The following CFAP300 variants were observed in gnomAD, a reference collection of about 807,000 sequenced individuals.
CFAP300 encodes cilia and flagella associated protein 300.
CFAP300 carries 32 observed loss-of-function variants against 33.0 expected under a neutral mutation model. The ratio of observed to expected loss-of-function variants is 0.97; its 90% CI spans 0.73 to 1.30. CFAP300 has a LOEUF of 1.30. Ranked by LOEUF, CFAP300 falls within the 50% of genes most tolerant of loss-of-function variation. The pLI, the probability that CFAP300 is intolerant of heterozygous loss-of-function variation, is 0.00. For synonymous variants in CFAP300, 102 were observed against 106.8 expected (o/e 0.95, Z 0.28); for missense variants, 356 against 318.1 (o/e 1.12, Z -0.90).
At chr11:102,048,254 CAG>C (rs1260823623) in intron 2 of CFAP300, among the ~76,000 whole-genome samples, 1 of 152,072 alleles carries the variant, frequency 6.6e-6, no homozygotes, top group Non-Finnish European at 1.5e-5. Flanking sequence ...TTTTTTGAAA[CAG>C]GGTCTTTCTC....
intron 5 of CFAP300, among the ~76,000 whole-genome samples, chr11:102,080,843 T>C (rs1295845343): frequency 1.3e-5 from 2 of 152,254 alleles, no homozygotes; most frequent in African/African-American, 4.8e-5. Flanking sequence ...GTATTTACAT[T>C]GTTTAAGTCT....
rs780254838 is a variant in CFAP300, at chr11:102,081,216, G to T, written c.610G>T (p.Val204Phe). ...TKLIYKDLVS[V>F]RKNPQTKKIQ... Reference sequence around the variant, plus strand: ...AGCACCTTTTCTTCCTTTTTTTAGTGTTCGAAAGAATCCTCAAACCAAGAA... The same window carrying T: ...AGCACCTTTTCTTCCTTTTTTTAGTTTTCGAAAGAATCCTCAAACCAAGAA... Residue 204 changes from valine to phenylalanine, a missense_variant and splice_region_variant, in exon 6 of 7, where the codon GTT (valine) becomes TTT (phenylalanine). Transcript: ENST00000434758. 45 of 1,603,652 alleles carry T rather than the reference G, an allele frequency of 2.8e-5. No homozygotes were observed. The highest frequency in any genetic ancestry group is 3.6e-5 in the Non-Finnish European group (42 of 1,177,004).
At position 102,081,337 on chromosome 11, in the gene CFAP300, G is replaced by A. The variant is rs555018173; in HGVS notation, c.675+56G>A. ...AATTTAATTACTTTTTATTAATAGA[G>A]TTGTTACAACTGGAGTTAACAATCA... On this transcript the variant is annotated intron_variant, in intron 6 of 6. Transcript: ENST00000434758. 194 of 1,417,988 alleles carry A rather than the reference G, an allele frequency of 1.4e-4. 2 individuals carry two copies. In the Middle Eastern group the frequency reaches 4.4e-3, roughly 32 times the overall value. 87.8% of individuals were successfully genotyped at this position (1,417,988 alleles called of 1,614,324 possible).
In CFAP300 at chr11:102,079,968, A is replaced by G. The variant is rs149536668; in HGVS notation, c.609-1247A>G. ...TACCTCAATGAGTTGTGTGATCTTTAAATGAGGTCATGTATATAAGGGTAT... is the reference window on the plus strand; with the variant it reads ...TACCTCAATGAGTTGTGTGATCTTTGAATGAGGTCATGTATATAAGGGTAT... On this transcript the variant is annotated intron_variant, in intron 5 of 6. Transcript: ENST00000434758. 2.4e-3 allele frequency among the ~76,000 whole-genome samples: 366 copies of G among 152,284 alleles called. 2 individuals are homozygous for G. Among genetic ancestry groups the G allele is most frequent in the African/African-American group, 8.2e-3 (341 of 41,560 alleles).
At chr11:102,051,569 A>C (rs1192362496) in intron 2 of CFAP300, among the ~76,000 whole-genome samples, 1 of 152,248 alleles carries the variant, frequency 6.6e-6, no homozygotes, top group Non-Finnish European at 1.5e-5. Context: ...TCAGTCTGCC[A>C]GATAGATAAT....
intron 5 of CFAP300, among the ~76,000 whole-genome samples, chr11:102,080,999 ACTGTAAGATT>A (rs1275370105): frequency 1.3e-5 from 2 of 152,182 alleles, no homozygotes; most frequent in African/African-American, 2.4e-5. Flanking sequence ...AAACCTTCTA[ACTGTAAGATT>A]CAATTTTCTG....
chr11:102,079,841 C>T (rs1405748959), intron 5 of CFAP300, among the ~76,000 whole-genome samples: 1 of 152,130 alleles, frequency 6.6e-6, no homozygotes, highest in Non-Finnish European at 1.5e-5. Context: ...CTCTGAGTCA[C>T]CTGTATTCTA....
intron 5 of CFAP300, among the ~76,000 whole-genome samples, chr11:102,078,901 G>A (rs1042335858): frequency 4.6e-5 from 7 of 152,010 alleles, no homozygotes; most frequent in Non-Finnish European, 8.8e-5. Context: ...GTAGAGGCGG[G>A]GTTTCACCAT....
chr11:102,083,264 T>C lies in CFAP300; in HGVS notation c.*65T>C. ...TCATTTTTCTATCTTAATACTAACTTATAGATAAACATATACTTTGCAAAT... is the reference window on the plus strand; with the variant it reads ...TCATTTTTCTATCTTAATACTAACTCATAGATAAACATATACTTTGCAAAT... On this transcript the variant is annotated 3_prime_UTR_variant, in exon 7 of 7. Coordinates refer to ENST00000434758, the MANE Select transcript of CFAP300 (RefSeq NM_032930.3). The C allele has an allele frequency of 8.2e-7, 1 of 1,216,848 alleles. No individual in the cohort carries two copies. Among genetic ancestry groups the C allele is most frequent in the East Asian group, 3.0e-5 (1 of 33,816 alleles). 75.4% of individuals were successfully genotyped at this position (1,216,848 alleles called of 1,614,324 possible).
chr11:102,084,034 A>C lies in CFAP300; in HGVS notation c.*835A>C, dbSNP rs199518268. On this transcript the variant is annotated 3_prime_UTR_variant, in exon 7 of 7. Coordinates refer to ENST00000434758, the MANE Select transcript of CFAP300 (RefSeq NM_032930.3). ...CGTCTCAGAAAAAAAAAAGGTTCTGAAAGTGGTTGTAAACTCTTGTATCAC... is the reference window on the plus strand; with the variant it reads ...CGTCTCAGAAAAAAAAAAGGTTCTGCAAGTGGTTGTAAACTCTTGTATCAC... The C allele has an allele frequency of 1.3e-5, 2 of 152,220 alleles. No homozygotes were observed. The highest frequency in any genetic ancestry group is 3.9e-4 in the East Asian group (2 of 5,194). 9.4% of individuals were successfully genotyped at this position (152,220 alleles called of 1,614,324 possible).
intron 5 of CFAP300, among the ~76,000 whole-genome samples, chr11:102,076,728 C>G (rs1216275853): frequency 2.0e-5 from 3 of 152,116 alleles, no homozygotes; most frequent in Non-Finnish European, 4.4e-5. Context: ...CAAGAATTAG[C>G]TTCTCATTGG....
At chr11:102,074,273 G>T (rs1942363810) in intron 4 of CFAP300, among the ~76,000 whole-genome samples, 1 of 152,132 alleles carries the variant, frequency 6.6e-6, no homozygotes, top group Non-Finnish European at 1.5e-5. Flanking sequence ...CCATTGTGTG[G>T]TCTCCAGGCA....
At chr11:102,076,170 T>G in intron 5 of CFAP300, 125 bp downstream of exon 5, 25 of 1,042,390 alleles carry the variant, frequency 2.4e-5, no homozygotes, top group Non-Finnish European at 3.1e-5. Context: ...TAAAAAGCTC[T>G]ACCCTTACCC....
At chr11:102,061,088 C>T (rs1942144200) in intron 3 of CFAP300, among the ~76,000 whole-genome samples, 2 of 152,074 alleles carry the variant, frequency 1.3e-5, no homozygotes, top group African/African-American at 4.8e-5. Flanking sequence ...CACAAAATAG[C>T]ATTAACTTTA....
chr11:102,051,559 T>C (rs1295578835), intron 2 of CFAP300, among the ~76,000 whole-genome samples: 1 of 152,160 alleles, frequency 6.6e-6, no homozygotes, highest in African/African-American at 2.4e-5. Context: ...CTAGAAACCA[T>C]CAGTCTGCCA....
chr11:102,047,991 C>A, intron 2 of CFAP300, 95 bp downstream of exon 2: 2 of 1,171,828 alleles, frequency 1.7e-6, no homozygotes, highest in Non-Finnish European at 2.4e-6. Context: ...CTATTCCTTA[C>A]TGACGTCGTT....
At position 102,083,092 on chromosome 11, in the gene CFAP300, C is replaced by G; in HGVS notation, c.697C>G (p.Pro233Ala). Residue 233 changes from proline (P) to alanine (A), a missense_variant, in exon 7 of 7, where the codon CCT (proline) becomes GCT (alanine). Pro to Ala is a conservative substitution (Grantham distance 27). Transcript: ENST00000434758. ...SAYDSAGMCY[P>A]SAKNHEQTFS... Reference sequence around the variant, plus strand: ...TCAGGATTCTGCTGGTATGTGCTATCCTTCAGCAAAGAATCATGAACAGAC... The same window carrying G: ...TCAGGATTCTGCTGGTATGTGCTATGCTTCAGCAAAGAATCATGAACAGAC... The G allele has an allele frequency of 6.6e-7, 1 of 1,519,234 alleles. No homozygotes were observed. The highest frequency in any genetic ancestry group is 8.8e-7 in the Non-Finnish European group (1 of 1,131,018). 94.1% of individuals were successfully genotyped at this position (1,519,234 alleles called of 1,614,324 possible).
At chr11:102,066,745 T>G in intron 4 of CFAP300, 94 bp downstream of exon 4, 1 of 1,002,930 alleles carries the variant, frequency 1.0e-6, no homozygotes, top group Non-Finnish European at 1.5e-6. Flanking sequence ...TAAAATACCT[T>G]GTCATAAAAT....
intron 2 of CFAP300, among the ~76,000 whole-genome samples, chr11:102,056,161 C>G (rs12362732): frequency 0.43 from 64,915 of 151,952 alleles, 14,079 homozygotes; most frequent in East Asian, 0.67. Context: ...ACTTTCTTTC[C>G]AATAGCTGCA....
Sources: gnomAD v4.1 joint callset for allele counts (sites outside exome capture counted in the v4.1 genomes callset) on GRCh38, gnomAD v4.1.1 for gene constraint, MANE v1.5 for transcripts, NCBI Gene and HGNC (gene_info 2026-07-23, HGNC 2026-07-21) for gene names.